MED13L: variants seen among roughly 807,000 people sequenced by gnomAD.
MED13L encodes the protein mediator of RNA polymerase II transcription subunit 13-like.
A neutral mutation model predicts 220.9 loss-of-function variants in MED13L; 7 were observed. The ratio of observed to expected loss-of-function variants is 0.03; its 90% CI spans 0.02 to 0.06. MED13L has a LOEUF of 0.06. MED13L is among the 10% of genes least tolerant of loss of function. MED13L has a pLI of 1.00. For synonymous variants in MED13L, 1,011 were observed against 1,015.2 expected (o/e 1.00, Z 0.08); for missense variants, 1,965 against 2,760.5 (o/e 0.71, Z 6.46).
In MED13L at chr12:115,993,949, C is replaced by T. The variant is rs187897139; in HGVS notation, c.2997-1992G>A. On this transcript the variant is annotated intron_variant, in intron 16 of 30. Transcript: ENST00000281928. Reference sequence around the variant, plus strand: ...TATTGCATGTGACAAAGGAGGAGTCCAGGGTGATGGCGAGCAGAGACCACA... The same window carrying T: ...TATTGCATGTGACAAAGGAGGAGTCTAGGGTGATGGCGAGCAGAGACCACA... Among the ~76,000 whole-genome samples, 15 of 152,248 alleles carry T rather than the reference C, an allele frequency of 9.9e-5. No homozygotes were observed. In the East Asian group the frequency reaches 2.7e-3, roughly 27 times the overall value.
At chr12:116,155,729 G>GA (rs200217564) in intron 2 of MED13L, among the ~76,000 whole-genome samples, 38 of 150,300 alleles carry the variant, frequency 2.5e-4, no homozygotes, top group African/African-American at 8.5e-4. Flanking sequence ...GATTTAAGGG[G>GA]AAAAAAAAAC....
chr12:116,058,616 T>C (rs1471108457), intron 4 of MED13L, among the ~76,000 whole-genome samples: 1 of 152,182 alleles, frequency 6.6e-6, no homozygotes, highest in African/African-American at 2.4e-5. Flanking sequence ...TTGAAGATCA[T>C]CAAAAGATGC....
chr12:116,256,457 A>C (rs771282277), intron 1 of MED13L, among the ~76,000 whole-genome samples: 5 of 152,012 alleles, frequency 3.3e-5, no homozygotes, highest in Non-Finnish European at 7.4e-5. Flanking sequence ...CAAGGGGGAG[A>C]CCCTGACTGC....
chr12:116,027,478 A>T (rs945435567), intron 4 of MED13L, among the ~76,000 whole-genome samples: 4 of 152,156 alleles, frequency 2.6e-5, no homozygotes, highest in Non-Finnish European at 1.5e-5. Context: ...TCGGGGAATG[A>T]AACGGCATGA....
chr12:116,157,813 G>A (rs1878562170), intron 2 of MED13L, among the ~76,000 whole-genome samples: 1 of 152,204 alleles, frequency 6.6e-6, no homozygotes, highest in Non-Finnish European at 1.5e-5. Context: ...AGAAAGGGGT[G>A]AAAATCCCAG....
intron 27 of MED13L, 78 bp from the exon 28 acceptor site, chr12:115,969,175 C>T: frequency 6.7e-7 from 1 of 1,492,976 alleles, no homozygotes; most frequent in South Asian, 1.2e-5. Context: ...TCCAACCTAA[C>T]CTATGTCATG....
At chr12:116,099,355 T>C (rs768121362) in intron 3 of MED13L, among the ~76,000 whole-genome samples, 7 of 152,196 alleles carry the variant, frequency 4.6e-5, no homozygotes, top group Non-Finnish European at 7.3e-5. Context: ...CATTGTTACA[T>C]TGAAGGTATA....
At chr12:115,987,574 T>C (rs1181795757) in intron 17 of MED13L, among the ~76,000 whole-genome samples, 2 of 152,206 alleles carry the variant, frequency 1.3e-5, no homozygotes, top group African/African-American at 4.8e-5. Context: ...AGGTGCGACT[T>C]TTTAAAACCA....
At chr12:116,140,320 T>C (rs536385554) in intron 2 of MED13L, among the ~76,000 whole-genome samples, 2 of 152,332 alleles carry the variant, frequency 1.3e-5, no homozygotes, top group African/African-American at 4.8e-5. Flanking sequence ...TGTTTCAAGG[T>C]TATATCCTCA....
intron 1 of MED13L, among the ~76,000 whole-genome samples, chr12:116,274,874 A>G (rs1472417210): frequency 1.3e-5 from 2 of 152,074 alleles, no homozygotes; most frequent in Non-Finnish European, 2.9e-5. Context: ...GAAATATCTC[A>G]AACACAAACC....
At chr12:116,034,872 G>A (rs1011569603) in intron 4 of MED13L, among the ~76,000 whole-genome samples, 1 of 152,132 alleles carries the variant, frequency 6.6e-6, no homozygotes, top group African/African-American at 2.4e-5. Flanking sequence ...CAGGCGTGGT[G>A]GCACAGGCTG....
chr12:116,151,395 AATT>A (rs1309087465), intron 2 of MED13L, among the ~76,000 whole-genome samples: 3 of 152,178 alleles, frequency 2.0e-5, no homozygotes, highest in Non-Finnish European at 4.4e-5. Context: ...TGAAAAAGAA[AATT>A]ATTTTAAAAG....
At chr12:116,012,927 T>A in intron 8 of MED13L, 26 bp from the exon 9 acceptor site, 1 of 1,519,434 alleles carries the variant, frequency 6.6e-7, no homozygotes, top group South Asian at 1.1e-5. Context: ...ATGTGACTTA[T>A]GTGTGAACAT....
chr12:116,223,556 T>TA (rs1271051277), intron 2 of MED13L, among the ~76,000 whole-genome samples: 1 of 151,866 alleles, frequency 6.6e-6, no homozygotes, highest in East Asian at 1.9e-4. Flanking sequence ...AATATAAAAT[T>TA]AGCCGAGCAT....
intron 28 of MED13L, 102 bp downstream of exon 28, chr12:115,968,838 A>G: frequency 6.9e-7 from 1 of 1,451,642 alleles, no homozygotes; most frequent in South Asian, 1.2e-5. Context: ...GACCCAGACC[A>G]TCAAGAACTG....
At chr12:116,001,549 T>C (rs1878742429) in intron 14 of MED13L, among the ~76,000 whole-genome samples, 1 of 152,192 alleles carries the variant, frequency 6.6e-6, no homozygotes, top group East Asian at 1.9e-4. Flanking sequence ...GATTAAAATA[T>C]CTTGCCAGGC....
chr12:116,142,454 G>A (rs189852918), intron 2 of MED13L, among the ~76,000 whole-genome samples: 23 of 152,250 alleles, frequency 1.5e-4, no homozygotes, highest in South Asian at 4.1e-4. Context: ...CTGGGAGGCC[G>A]AAGCAGGTGG....
chr12:116,005,348 T>C (rs1878985980), intron 13 of MED13L, among the ~76,000 whole-genome samples: 1 of 152,202 alleles, frequency 6.6e-6, no homozygotes, highest in Non-Finnish European at 1.5e-5. Flanking sequence ...TCTCTGTCAT[T>C]TTAATTGTAT....
At chr12:116,051,246 C>G (rs1489372115) in intron 4 of MED13L, among the ~76,000 whole-genome samples, 2 of 150,210 alleles carry the variant, frequency 1.3e-5, no homozygotes, top group Non-Finnish European at 3.0e-5. Flanking sequence ...CATGGTGGCT[C>G]ACACCGAGAT....
Sources: allele counts gnomAD v4.1 joint callset (sites outside exome capture counted in the v4.1 genomes callset), GRCh38; gene constraint gnomAD v4.1.1; transcripts MANE v1.5; gene names NCBI Gene and HGNC (gene_info 2026-07-23, HGNC 2026-07-21).